Variants in DLG1 observed in about 807,000 individuals in gnomAD.
DLG1 encodes the protein discs large MAGUK scaffold protein 1.
In DLG1, 42 loss-of-function variants were observed where a neutral mutation model predicts 123.4. That is an observed-to-expected ratio of 0.34 (90% CI 0.27 to 0.44). The LOEUF (loss-of-function observed/expected upper bound fraction) is 0.44, where lower values mean the gene tolerates loss of function less well. Among genes scored for constraint, DLG1 ranks in the 20% least tolerant of loss-of-function variants. The probability of loss-of-function intolerance (pLI) is 1.00; values close to 1 mark genes in which losing one functional copy is unlikely to be tolerated. For missense variants in DLG1, 942 were observed against 1,082.6 expected (o/e 0.87, Z 1.82); for synonymous variants, 317 against 356.2 (o/e 0.89, Z 1.24).
chr3:197,116,346 T>TAA (rs1773281560), intron 12 of DLG1, among the ~76,000 whole-genome samples: 1 of 152,128 alleles, frequency 6.6e-6, no homozygotes, highest in African/African-American at 2.4e-5. Flanking sequence ...CGTGGAAATT[T>TAA]AAAAGTATTA....
At chr3:197,157,158 G>C (rs1472206589) in intron 5 of DLG1, among the ~76,000 whole-genome samples, 3 of 152,128 alleles carry the variant, frequency 2.0e-5, no homozygotes, top group Non-Finnish European at 4.4e-5. Flanking sequence ...ACCACTAGCT[G>C]AATAGTTGAA....
chr3:197,070,906 A>T (rs919400527), intron 18 of DLG1: 2 of 152,024 alleles, frequency 1.3e-5, no homozygotes, highest in Non-Finnish European at 2.9e-5. Context: ...ATATTAAAAT[A>T]TTTCTTTCCA....
At chr3:197,257,089 TA>T (rs199748083) in intron 4 of DLG1, among the ~76,000 whole-genome samples, 2 of 152,006 alleles carry the variant, frequency 1.3e-5, no homozygotes, top group Non-Finnish European at 2.9e-5. Flanking sequence ...TGAAGTCTTT[TA>T]AAAAAAATCT....
chr3:197,197,722 G>A (rs1045414239), intron 4 of DLG1, among the ~76,000 whole-genome samples: 10 of 152,086 alleles, frequency 6.6e-5, no homozygotes, highest in African/African-American at 1.9e-4. Flanking sequence ...ACAAAGTACA[G>A]GGCTCACACC....
chr3:197,204,168 C>T (rs986900036), intron 4 of DLG1, among the ~76,000 whole-genome samples: 2 of 152,170 alleles, frequency 1.3e-5, no homozygotes, highest in African/African-American at 2.4e-5. Context: ...AGTGTGATTT[C>T]CACATTACAC....
intron 4 of DLG1, among the ~76,000 whole-genome samples, chr3:197,254,917 G>A (rs1043744150): frequency 2.6e-5 from 4 of 151,994 alleles, no homozygotes; most frequent in Admixed American, 6.6e-5. Flanking sequence ...TTAGCCGGGC[G>A]TGGTGGCACG....
chr3:197,130,757 A>T (rs1250367191), intron 10 of DLG1, 86 bp from the exon 11 acceptor site: 2 of 1,137,078 alleles, frequency 1.8e-6, no homozygotes, highest in African/African-American at 3.1e-5. Flanking sequence ...AAGGGAAAAT[A>T]AGAGAGTGGT....
chr3:197,235,537 T>C (rs1337319014), intron 4 of DLG1, among the ~76,000 whole-genome samples: 1 of 152,208 alleles, frequency 6.6e-6, no homozygotes, highest in Non-Finnish European at 1.5e-5. Flanking sequence ...TGGACACTCC[T>C]AGACAGTCAA....
At chr3:197,139,583 C>G (rs1786926422) in intron 8 of DLG1, among the ~76,000 whole-genome samples, 1 of 152,092 alleles carries the variant, frequency 6.6e-6, no homozygotes, top group African/African-American at 2.4e-5. Context: ...CAAAATGGAA[C>G]ACTAAATTTA....
intron 11 of DLG1, among the ~76,000 whole-genome samples, chr3:197,123,957 T>G (rs1456476999): frequency 6.6e-6 from 1 of 152,238 alleles, no homozygotes; most frequent in Non-Finnish European, 1.5e-5. Flanking sequence ...TTAATTCAAT[T>G]AAAAATTAAA....
intron 3 of DLG1, among the ~76,000 whole-genome samples, chr3:197,283,648 A>G (rs1159775084): frequency 6.6e-6 from 1 of 152,190 alleles, no homozygotes; most frequent in African/African-American, 2.4e-5. Flanking sequence ...TAGATTCACC[A>G]CGCTTAATTC....
intron 4 of DLG1, among the ~76,000 whole-genome samples, chr3:197,238,164 C>A (rs1310248107): frequency 2.0e-5 from 3 of 152,124 alleles, no homozygotes; most frequent in African/African-American, 7.2e-5. Flanking sequence ...ACTGTCAGAG[C>A]AGCGTCAGAG....
rs966782124 is a variant in DLG1, at chr3:197,250,929, G to A, written c.318+31750C>T. Among the ~76,000 whole-genome samples the A allele has an allele frequency of 3.5e-5, 5 of 142,304 alleles. No individual in the cohort carries two copies. The Admixed American group carries it at 3.7e-4, about 10-fold the overall frequency. The allele number at this position is 142,304 out of a possible 152,430, so 93.4% of individuals were successfully genotyped here. Reference sequence around the variant, plus strand: ...ACCTGGGAGGTAAAGGTTGCAGTGAGCCAAGATCATGCCACTGCACTCCAG... The same window carrying A: ...ACCTGGGAGGTAAAGGTTGCAGTGAACCAAGATCATGCCACTGCACTCCAG... On this transcript the variant is annotated intron_variant, in intron 4 of 24. Transcript: ENST00000667157.
chr3:197,249,517 C>T (rs1753345199), intron 4 of DLG1, among the ~76,000 whole-genome samples: 1 of 151,988 alleles, frequency 6.6e-6, no homozygotes, highest in African/African-American at 2.4e-5. Context: ...ACCAGTTCTA[C>T]TCAAACTCTT....
chr3:197,279,423 T>G (rs958045212), intron 4 of DLG1, among the ~76,000 whole-genome samples: 1 of 152,198 alleles, frequency 6.6e-6, no homozygotes, highest in African/African-American at 2.4e-5. Context: ...TTTTTAAACA[T>G]CTAGGCCTTG....
At chr3:197,141,232 G>A (rs1787794683) in intron 7 of DLG1, among the ~76,000 whole-genome samples, 1 of 152,076 alleles carries the variant, frequency 6.6e-6, no homozygotes, top group African/African-American at 2.4e-5. Context: ...TGAATTACCT[G>A]AATCTTAAGA....
intron 4 of DLG1, among the ~76,000 whole-genome samples, chr3:197,268,788 G>A (rs142622489): frequency 0.011 from 1,605 of 151,682 alleles, 13 homozygotes; most frequent in Non-Finnish European, 0.018. Flanking sequence ...CTGTATAGAG[G>A]TACAAAATTT....
intron 4 of DLG1, among the ~76,000 whole-genome samples, chr3:197,263,612 T>C (rs1032200617): frequency 2.6e-5 from 4 of 151,610 alleles, no homozygotes; most frequent in South Asian, 4.2e-4. Flanking sequence ...CATGGTGAAA[T>C]CCCATCTCTA....
intron 6 of DLG1, among the ~76,000 whole-genome samples, chr3:197,147,990 T>C (rs1048328815): frequency 1.2e-4 from 18 of 150,908 alleles, no homozygotes; most frequent in South Asian, 2.1e-4. Context: ...AATAAATGAG[T>C]TCAGCAAGGT....
Sources: allele counts gnomAD v4.1 joint callset (sites outside exome capture counted in the v4.1 genomes callset), GRCh38; gene constraint gnomAD v4.1.1; transcripts MANE v1.5; gene names NCBI Gene and HGNC (gene_info 2026-07-23, HGNC 2026-07-21).